SMARCAD1: variants seen among roughly 807,000 people sequenced by gnomAD.
The protein encoded by SMARCAD1 is SNF2 related chromatin remodeling ATPase with DExD box 1, also known as SWI/SNF-related matrix-associated actin-dependent regulator of chromatin subfamily A containing DEAD/H box 1.
Under a neutral mutation model 127.1 loss-of-function variants are expected in SMARCAD1, and 25 were observed. The observed-to-expected ratio is 0.20, with a 90% CI of 0.14 to 0.27. SMARCAD1 has a LOEUF of 0.27. Ranked by LOEUF, SMARCAD1 falls within the 10% of genes least tolerant of loss-of-function variation. The pLI, the probability that SMARCAD1 is intolerant of heterozygous loss-of-function variation, is 1.00. For synonymous variants in SMARCAD1, 400 were observed against 396.9 expected, an observed-to-expected ratio of 1.01 and a Z score of -0.09; for missense variants, 807 against 1,206.0, an observed-to-expected ratio of 0.67 and a Z score of 4.90.
intron 3 of SMARCAD1, among the ~76,000 whole-genome samples, chr4:94,230,844 C>T (rs984582720): frequency 1.3e-5 from 2 of 152,044 alleles, no homozygotes; most frequent in African/African-American, 4.8e-5. Flanking sequence ...GAAGAAGAGC[C>T]TGTTACAGAG....
chr4:94,253,666 GCACTGGTAAGTA>G (rs1749629692), intron 9 of SMARCAD1: 1 of 1,021,124 alleles, frequency 9.8e-7, no homozygotes, highest in Non-Finnish European at 1.2e-6. Context: ...GAAGGCATAA[GCACTGGTAAGTA>G]CACTTTGCAT....
intron 6 of SMARCAD1, 31 bp downstream of exon 6, chr4:94,241,037 A>C (rs1364609574): frequency 6.5e-7 from 1 of 1,528,098 alleles, no homozygotes; most frequent in Admixed American, 1.7e-5. Context: ...CAGTATCAAA[A>C]TTGGCTGCTT....
chr4:94,250,380 T>C (rs1749109752), intron 7 of SMARCAD1, among the ~76,000 whole-genome samples: 1 of 152,116 alleles, frequency 6.6e-6, no homozygotes, highest in Admixed American at 6.5e-5. Flanking sequence ...AAAATCTTGT[T>C]GCAATATTGG....
At chr4:94,253,290 GA>G in intron 9 of SMARCAD1, 1 of 1,406,924 alleles carries the variant, frequency 7.1e-7, no homozygotes, top group South Asian at 1.2e-5. Context: ...TTTCACTGCA[GA>G]AGAAGAAATT....
chr4:94,208,029 C>T lies in SMARCAD1; in HGVS notation c.-91C>T, dbSNP rs1251656159. The T allele has an allele frequency of 3.5e-5, 15 of 434,224 alleles. No individual in the cohort carries two copies. In the East Asian group the frequency reaches 1.0e-3, roughly 29 times the overall value. 26.9% of individuals were successfully genotyped at this position (434,224 alleles called of 1,614,324 possible). A position where few individuals can be genotyped will look rare whatever the true frequency, so the allele number is the denominator to read the frequency against. ...TCTCTTTGTGGGCGGGCGCGAGGCCCGCTAGGGGGTTATACTGGGGAACGT... is the reference window on the plus strand; with the variant it reads ...TCTCTTTGTGGGCGGGCGCGAGGCCTGCTAGGGGGTTATACTGGGGAACGT... On this transcript the variant is annotated 5_prime_UTR_variant, in exon 1 of 24. Transcript: ENST00000354268.
In SMARCAD1 at chr4:94,208,370, C is replaced by T. The variant is rs1298575450; in HGVS notation, c.-25C>T. The T allele has an allele frequency of 1.2e-6, 2 of 1,612,358 alleles. No homozygotes were observed. The highest frequency in any genetic ancestry group is 2.2e-5 in the East Asian group (1 of 44,866). ...GATAGTTCATTTAAAGCCCCCATCC[C>T]TGCAAGGTGGTGCTTTCTACCAATA... On this transcript the variant is annotated 5_prime_UTR_variant, in exon 2 of 24. Coordinates refer to ENST00000354268, the MANE Select transcript of SMARCAD1 (RefSeq NM_020159.5).
chr4:94,264,670 T>G (rs766586740), intron 9 of SMARCAD1, 37 bp from the exon 10 acceptor site: 1 of 1,568,192 alleles, frequency 6.4e-7, no homozygotes, highest in South Asian at 1.1e-5. Flanking sequence ...CTTTCCTAGA[T>G]CTGAACTATT....
At chr4:94,264,549 A>G (rs1295357964) in intron 9 of SMARCAD1, 158 bp from the exon 10 acceptor site, 3 of 592,118 alleles carry the variant, frequency 5.1e-6, no homozygotes, top group East Asian at 2.9e-5. Context: ...TAGCAACTCA[A>G]ATATAAACAT....
chr4:94,209,651 T>G (rs1741880179), intron 2 of SMARCAD1, among the ~76,000 whole-genome samples: 1 of 152,200 alleles, frequency 6.6e-6, no homozygotes, highest in South Asian at 2.1e-4. Context: ...AGAATAACAT[T>G]TTTAAATACT....
chr4:94,282,100 G>GTTGTT (rs1293072163), intron 21 of SMARCAD1, among the ~76,000 whole-genome samples: 1 of 74,960 alleles, frequency 1.3e-5, no homozygotes, highest in South Asian at 6.6e-4. Flanking sequence ...ACGTTTTTTT[G>GTTGTT]TTTTTTTTTT....
At position 94,250,270 on chromosome 4, in the gene SMARCAD1, C is replaced by T. The variant is rs527721195; in HGVS notation, c.808-482C>T. Among the ~76,000 whole-genome samples, 5 of 151,876 alleles carry T rather than the reference C, an allele frequency of 3.3e-5. No homozygotes were observed. The East Asian group carries it at 7.7e-4, about 24-fold the overall frequency. On this transcript the variant is annotated intron_variant, in intron 7 of 23. Transcript: ENST00000354268. ...AATCCCATGATCATATATAGAAGCACATATTTGTTTAGCATTTAGAGTACA... is the reference window on the plus strand; with the variant it reads ...AATCCCATGATCATATATAGAAGCATATATTTGTTTAGCATTTAGAGTACA...
intron 2 of SMARCAD1, among the ~76,000 whole-genome samples, chr4:94,225,758 G>T (rs921921129): frequency 6.6e-6 from 1 of 152,204 alleles, no homozygotes; most frequent in Non-Finnish European, 1.5e-5. Context: ...AAGGCTTAGA[G>T]AAATTAATAA....
At position 94,208,012 on chromosome 4, in the gene SMARCAD1, T is replaced by A; in HGVS notation, c.-108T>A. Reference sequence around the variant, plus strand: ...CGGTAGCACAGGGAGCTTCTCTTTGTGGGCGGGCGCGAGGCCCGCTAGGGG... The same window carrying A: ...CGGTAGCACAGGGAGCTTCTCTTTGAGGGCGGGCGCGAGGCCCGCTAGGGG... On this transcript the variant is annotated 5_prime_UTR_variant, in exon 1 of 24. Coordinates refer to ENST00000354268, the MANE Select transcript of SMARCAD1 (RefSeq NM_020159.5). 2.5e-6 allele frequency: 1 copy of A among 403,542 alleles called. No individual in the cohort carries two copies. Among genetic ancestry groups the A allele is most frequent in the South Asian group, 1.9e-5 (1 of 53,784 alleles). The allele number at this position is 403,542 out of a possible 1,614,324, so 25.0% of individuals were successfully genotyped here. A position where few individuals can be genotyped will look rare whatever the true frequency, so the allele number is the denominator to read the frequency against.
At chr4:94,207,674 C>T (rs966882564), upstream of SMARCAD1, 5 of 155,160 alleles carry the variant, frequency 3.2e-5, no homozygotes, top group African/African-American at 1.2e-4. Flanking sequence ...ACCGTCGCCC[C>T]ACGCTAGGAA....
chr4:94,243,673 T>G (rs995717694), intron 6 of SMARCAD1, among the ~76,000 whole-genome samples: 7 of 152,258 alleles, frequency 4.6e-5, no homozygotes, highest in Non-Finnish European at 8.8e-5. Context: ...GTTTTGTCCA[T>G]GAGAAATAGT....
chr4:94,278,555 T>G, intron 17 of SMARCAD1, 38 bp downstream of exon 17: 1 of 1,610,324 alleles, frequency 6.2e-7, no homozygotes, highest in Non-Finnish European at 8.5e-7. Context: ...TTTATTGTTT[T>G]TAAAACTTAG....
rs781573739 is a variant in SMARCAD1, at chr4:94,226,318, T to C, written c.368+22T>C. ...TAGTGTAAGCTGATTAATAGATATATTGTATTTGCATGTGTGTGAGATTTT... is the reference window on the plus strand; with the variant it reads ...TAGTGTAAGCTGATTAATAGATATACTGTATTTGCATGTGTGTGAGATTTT... On this transcript the variant is annotated intron_variant, in intron 3 of 23. Transcript: ENST00000354268. 17 of 1,591,866 alleles carry C rather than the reference T, an allele frequency of 1.1e-5. No individual in the cohort carries two copies. The African/African-American group carries it at 2.3e-4, about 21-fold the overall frequency.
At position 94,289,638 on chromosome 4, in the gene SMARCAD1, T is replaced by C; in HGVS notation, c.*104T>C. 9.1e-7 allele frequency: 1 copy of C among 1,097,402 alleles called. No individual in the cohort carries two copies. The highest frequency in any genetic ancestry group is 1.4e-6 in the Non-Finnish European group (1 of 710,240). The allele number at this position is 1,097,402 out of a possible 1,614,324, so 68.0% of individuals were successfully genotyped here. ...GGGGTTTATGAACATTTATAACTTT[T>C]TATAATTTCCATATTACATTTCTCA... is the stretch of plus-strand genomic sequence containing the variant. On this transcript the variant is annotated 3_prime_UTR_variant, in exon 24 of 24. Coordinates refer to ENST00000354268, the MANE Select transcript of SMARCAD1 (RefSeq NM_020159.5).
At chr4:94,230,653 C>A (rs1367863730) in intron 3 of SMARCAD1, among the ~76,000 whole-genome samples, 1 of 152,108 alleles carries the variant, frequency 6.6e-6, no homozygotes, top group African/African-American at 2.4e-5. Flanking sequence ...AGAAATATCT[C>A]CAGACATTGC....
Sources: gnomAD v4.1 joint callset for allele counts (sites outside exome capture counted in the v4.1 genomes callset) on GRCh38, gnomAD v4.1.1 for gene constraint, MANE v1.5 for transcripts, NCBI Gene and HGNC (gene_info 2026-07-23, HGNC 2026-07-21) for gene names.